The following SHISA9 variants were observed in gnomAD, a reference collection of about 807,000 sequenced individuals.
SHISA9 encodes protein shisa-9.
A neutral mutation model predicts 38.0 loss-of-function variants in SHISA9; 13 were observed. The ratio of observed to expected loss-of-function variants is 0.34; its 90% CI spans 0.22 to 0.54. The LOEUF is 0.54. Ranked by LOEUF, SHISA9 falls within the 20% of genes least tolerant of loss-of-function variation. The probability of loss-of-function intolerance (pLI) is 0.91; values close to 1 mark genes in which losing one functional copy is unlikely to be tolerated. For missense variants in SHISA9, 538 were observed against 575.8 expected (o/e 0.93, Z 0.67); for synonymous variants, 275 against 242.0 (o/e 1.14, Z -1.27).
intron 2 of SHISA9, among the ~76,000 whole-genome samples, chr16:13,114,689 A>G (rs1199995891): frequency 1.3e-5 from 2 of 151,074 alleles, no homozygotes; most frequent in Non-Finnish European, 2.9e-5. Context: ...CCAGGCAATT[A>G]TAGTAATGAA....
the SHISA9 span, among the ~76,000 whole-genome samples, chr16:13,526,393 C>T: frequency 6.6e-6 from 1 of 152,066 alleles, no homozygotes; most frequent in Non-Finnish European, 1.5e-5. Flanking sequence ...ATTTTATTTT[C>T]TACTTTTTGG....
chr16:13,513,882 G>A, the SHISA9 span, among the ~76,000 whole-genome samples: 4 of 152,030 alleles, frequency 2.6e-5, no homozygotes, highest in African/African-American at 9.7e-5. Flanking sequence ...ATGCATGCAG[G>A]GCTTAAAACT....
At chr16:13,070,243 G>T (rs956123985) in intron 2 of SHISA9, among the ~76,000 whole-genome samples, 1 of 151,618 alleles carries the variant, frequency 6.6e-6, no homozygotes, top group African/African-American at 2.4e-5. Context: ...TTCTCCCCGT[G>T]CCCCTCATGT....
chr16:12,984,215 C>A (rs1391888041), intron 2 of SHISA9, among the ~76,000 whole-genome samples: 7 of 152,110 alleles, frequency 4.6e-5, no homozygotes, highest in Admixed American at 6.5e-5. Flanking sequence ...GAGCCTCTAG[C>A]ATCAAGGAAA....
At chr16:13,110,115 C>G (rs932873706) in intron 2 of SHISA9, among the ~76,000 whole-genome samples, 2 of 152,148 alleles carry the variant, frequency 1.3e-5, no homozygotes, top group Non-Finnish European at 2.9e-5. Context: ...CTCTCCCCAC[C>G]ACATATAGAG....
chr16:13,155,939 C>G (rs1210240334), intron 2 of SHISA9, among the ~76,000 whole-genome samples: 1 of 151,990 alleles, frequency 6.6e-6, no homozygotes. Context: ...GAAAAAGAAA[C>G]TGTAAAAAAT....
At chr16:13,108,212 T>G (rs1241036289) in intron 2 of SHISA9, among the ~76,000 whole-genome samples, 3 of 151,738 alleles carry the variant, frequency 2.0e-5, no homozygotes, top group African/African-American at 7.3e-5. Context: ...CACTGAAGTC[T>G]TGACCTCCAG....
At chr16:13,127,115 G>A (rs2141983578) in intron 2 of SHISA9, among the ~76,000 whole-genome samples, 1 of 142,562 alleles carries the variant, frequency 7.0e-6, no homozygotes, top group Middle Eastern at 4.1e-3. Context: ...GAGACTGAGG[G>A]AACAGAGAGA....
chr16:13,261,557 T>G, the SHISA9 span, among the ~76,000 whole-genome samples: 2 of 152,214 alleles, frequency 1.3e-5, no homozygotes, highest in Admixed American at 6.5e-5. Flanking sequence ...CCAGAATTTA[T>G]TCTGAAGTTG....
At chr16:13,530,308 A>G in the SHISA9 span, among the ~76,000 whole-genome samples, 1 of 152,128 alleles carries the variant, frequency 6.6e-6, no homozygotes, top group Non-Finnish European at 1.5e-5. Context: ...CTCAAAAAAT[A>G]AATAAAAATA....
At chr16:12,952,774 C>T (rs1284449521) in intron 2 of SHISA9, among the ~76,000 whole-genome samples, 1 of 152,190 alleles carries the variant, frequency 6.6e-6, no homozygotes, top group Non-Finnish European at 1.5e-5. Context: ...CTGCAGCTTC[C>T]CCAGCCATGC....
chr16:13,560,045 T>A, the SHISA9 span, among the ~76,000 whole-genome samples: 4,641 of 152,312 alleles, frequency 0.03, 64 homozygotes, highest in Non-Finnish European at 0.034. Context: ...AGAGAGAGAA[T>A]TCATTGACTT....
chr16:13,093,824 C>G lies in SHISA9; in HGVS notation c.692-109570C>G, dbSNP rs74344151. On this transcript the variant is annotated intron_variant, in intron 2 of 4. Transcript: ENST00000558583. ...GCACTGCGGGGCCTATAAATAGTGA[C>G]AGGGCAAACTAGTTCAGATGCAATT... 1.1e-4 allele frequency among the ~76,000 whole-genome samples: 17 copies of G among 152,288 alleles called. No homozygotes were observed. The East Asian group carries it at 3.3e-3, about 29-fold the overall frequency.
intron 2 of SHISA9, among the ~76,000 whole-genome samples, chr16:12,940,403 G>C: frequency 6.6e-6 from 1 of 151,980 alleles, no homozygotes; most frequent in East Asian, 1.9e-4. Context: ...TTCGGGAATA[G>C]GTTACCTTCC....
At chr16:13,558,787 ATTTG>A in the SHISA9 span, among the ~76,000 whole-genome samples, 1 of 152,190 alleles carries the variant, frequency 6.6e-6, no homozygotes, top group Non-Finnish European at 1.5e-5. Flanking sequence ...AAAAAAAGAT[ATTTG>A]TTTATCGTAT....
At chr16:12,981,622 G>C (rs761985903) in intron 2 of SHISA9, among the ~76,000 whole-genome samples, 2 of 152,148 alleles carry the variant, frequency 1.3e-5, no homozygotes, top group African/African-American at 2.4e-5. Flanking sequence ...TGGCCATCTC[G>C]ATTTTTAATC....
rs142109568 is a variant in SHISA9, at chr16:12,981,476, G to A, written c.691+64661G>A. On this transcript the variant is annotated intron_variant, in intron 2 of 4. Coordinates refer to ENST00000558583, the MANE Select transcript of SHISA9 (RefSeq NM_001145204.3). ...CTGCCTCAGATTCAAGCCATCCCCC[G>A]CATCCCAGTCCAAATCAGCACGCAG... Among the ~76,000 whole-genome samples, 985 of 152,186 alleles carry A rather than the reference G, an allele frequency of 6.5e-3. 12 individuals carry two copies. Among genetic ancestry groups the A allele is most frequent in the African/African-American group, 0.021 (890 of 41,498 alleles).
At chr16:13,175,589 T>A in intron 2 of SHISA9, among the ~76,000 whole-genome samples, 1 of 152,198 alleles carries the variant, frequency 6.6e-6, no homozygotes, top group East Asian at 1.9e-4. Context: ...TGAAGGTTAC[T>A]GTGACTTGTA....
intron 2 of SHISA9, among the ~76,000 whole-genome samples, chr16:12,925,828 T>C (rs1260413208): frequency 6.6e-6 from 1 of 152,114 alleles, no homozygotes; most frequent in Non-Finnish European, 1.5e-5. Flanking sequence ...TTGAAAGGAG[T>C]AATAAATAAA....
Sources: allele counts gnomAD v4.1 joint callset (sites outside exome capture counted in the v4.1 genomes callset), GRCh38; gene constraint gnomAD v4.1.1; transcripts MANE v1.5; gene names NCBI Gene and HGNC (gene_info 2026-07-23, HGNC 2026-07-21).